MYO18B: variants seen among roughly 807,000 people sequenced by gnomAD.
The protein encoded by MYO18B is unconventional myosin-XVIIIb.
MYO18B carries 204 observed loss-of-function variants against 273.0 expected under a neutral mutation model. The observed-to-expected ratio is 0.75, with a 90% confidence interval of 0.67 to 0.84. MYO18B has a LOEUF of 0.84. MYO18B is among the 40% of genes least tolerant of loss of function. MYO18B has a pLI of 0.00. For synonymous variants in MYO18B, 1,330 were observed against 1,305.7 expected (o/e 1.02, Z -0.40); for missense variants, 3,212 against 3,287.6 (o/e 0.98, Z 0.56).
intron 26 of MYO18B, 148 bp from the exon 27 acceptor site, chr22:25,891,156 A>C (rs902237863): frequency 2.8e-6 from 2 of 713,308 alleles, no homozygotes; most frequent in African/African-American, 1.8e-5. Context: ...AATATGCCGA[A>C]GGTGGCTAGC....
intron 34 of MYO18B, among the ~76,000 whole-genome samples, chr22:25,925,769 G>T (rs2092411573): frequency 1.3e-5 from 2 of 151,202 alleles, no homozygotes; most frequent in Non-Finnish European, 1.5e-5. Context: ...GCCCGGTGTG[G>T]TGGTGCATGA....
Position 25,828,858 on chromosome 22 carries a change from A to G in MYO18B, c.2869A>G (p.Lys957Glu), listed in dbSNP as rs200316291. 2,767 of 1,613,958 alleles carry G rather than the reference A, an allele frequency of 1.7e-3. 6 individuals are homozygous for G. Among genetic ancestry groups the G allele is most frequent in the Middle Eastern group, 4.1e-3 (25 of 6,062 alleles). Reference protein sequence around the residue: ...PGFQNPRHQGKDRAATFEELC... With the variant: ...PGFQNPRHQGEDRAATFEELC... ...CTTCCAGAACCCCCGGCACCAGGGC[A>G]AGGACCGGGCGGCCACCTTTGAGGA... Residue 957 changes from lysine to glutamate, a missense_variant, in exon 15 of 44, where the codon AAG becomes GAG. By Grantham distance (56) the Lys-to-Glu change is moderately conservative. Coordinates refer to ENST00000335473, the MANE Select transcript of MYO18B (RefSeq NM_032608.7).
At chr22:25,908,203 T>G in intron 31 of MYO18B, 119 bp from the exon 32 acceptor site, 1 of 754,312 alleles carries the variant, frequency 1.3e-6, no homozygotes, top group Non-Finnish European at 2.3e-6. Flanking sequence ...GGGCAATAAC[T>G]TGACTCTCAT....
At chr22:25,898,559 CA>C (rs1457568547) in intron 29 of MYO18B, 98 bp downstream of exon 29, 2 of 1,315,754 alleles carry the variant, frequency 1.5e-6, no homozygotes, top group Non-Finnish European at 2.1e-6. Flanking sequence ...TCCCTCACTT[CA>C]ACTCCCTTGT....
chr22:25,932,380 CTTTTCTTTTCTTTTCTT>C (rs1168053985), intron 34 of MYO18B, among the ~76,000 whole-genome samples: 3 of 136,518 alleles, frequency 2.2e-5, no homozygotes, highest in Admixed American at 7.3e-5. Flanking sequence ...CCTTCTTTCT[CTTTTCTTTTCTTTTCTT>C]TTTTCTTTTC....
chr22:26,052,244 G>A, the MYO18B span, among the ~76,000 whole-genome samples: 1 of 152,168 alleles, frequency 6.6e-6, no homozygotes, highest in African/African-American at 2.4e-5. Context: ...AAAGGCACAG[G>A]TTGGAGGATG....
chr22:26,016,973 G>A (rs977002000), intron 42 of MYO18B, among the ~76,000 whole-genome samples: 1 of 152,114 alleles, frequency 6.6e-6, no homozygotes. Flanking sequence ...CACCTGCAGA[G>A]TGTCAGTTCC....
At chr22:25,759,518 G>A (rs558795480) in intron 1 of MYO18B, among the ~76,000 whole-genome samples, 2 of 152,104 alleles carry the variant, frequency 1.3e-5, no homozygotes, top group Non-Finnish European at 2.9e-5. Flanking sequence ...GGGGCCTGTC[G>A]AGGGGTGGGG....
chr22:25,862,327 T>C (rs920520861), intron 21 of MYO18B, among the ~76,000 whole-genome samples: 1 of 152,214 alleles, frequency 6.6e-6, no homozygotes, highest in African/African-American at 2.4e-5. Flanking sequence ...TTCTTTTATT[T>C]AATCTTATGT....
At chr22:25,919,907 A>G (rs142847213) in intron 33 of MYO18B, among the ~76,000 whole-genome samples, 6 of 152,320 alleles carry the variant, frequency 3.9e-5, no homozygotes, top group Admixed American at 3.9e-4. Context: ...ACAGCTTACA[A>G]AGTGCTTTGG....
the MYO18B span, among the ~76,000 whole-genome samples, chr22:26,047,589 T>C: frequency 6.6e-6 from 1 of 152,178 alleles, no homozygotes; most frequent in Non-Finnish European, 1.5e-5. Context: ...CCACTAGCCA[T>C]ATTCAGCTAC....
chr22:25,942,703 A>C (rs1227233320), intron 34 of MYO18B, among the ~76,000 whole-genome samples: 3 of 152,176 alleles, frequency 2.0e-5, no homozygotes, highest in African/African-American at 4.8e-5. Flanking sequence ...GCTGTCATGA[A>C]GCAAGGCAGA....
At position 25,851,588 on chromosome 22, in the gene MYO18B, A is replaced by C. The variant is rs1463482297; in HGVS notation, c.3885+9A>C. On this transcript the variant is annotated intron_variant, in intron 21 of 43. Coordinates refer to ENST00000335473, the MANE Select transcript of MYO18B (RefSeq NM_032608.7). ...GAATAGATGAAAGGAAGGTAGGTGG[A>C]GCACATGCGAGAGGGGTGAAGGCCC... 1 of 1,533,000 alleles carries C rather than the reference A, an allele frequency of 6.5e-7. No homozygotes were observed. Among genetic ancestry groups the C allele is most frequent in the East Asian group, 2.4e-5 (1 of 40,996 alleles). The allele number at this position is 1,533,000 out of a possible 1,614,324, so 95.0% of individuals were successfully genotyped here.
intron 35 of MYO18B, among the ~76,000 whole-genome samples, chr22:25,947,255 C>T (rs1450930631): frequency 6.6e-6 from 1 of 151,976 alleles, no homozygotes; most frequent in Admixed American, 6.6e-5. Flanking sequence ...ATTCATCCAC[C>T]CAATACATAT....
At position 25,908,375 on chromosome 22, in the gene MYO18B, G is replaced by A. The variant is rs549056065; in HGVS notation, c.5202G>A (p.Lys1734=). The A allele has an allele frequency of 3.3e-5, 53 of 1,603,250 alleles. No homozygotes were observed. The highest frequency in any genetic ancestry group is 3.3e-4 in the Middle Eastern group (2 of 6,044). ...AGCGGATGAAGCAGATGCACCAGAAGGACCGTGAGGACCAGGAGGAGGAAC... is the reference window on the plus strand; with the variant it reads ...AGCGGATGAAGCAGATGCACCAGAAAGACCGTGAGGACCAGGAGGAGGAAC... ...EIERMKQMHQ[K]DREDQEEELE... is the part of the protein sequence containing the mutation. Residue 1734 remains lysine, a synonymous_variant, in exon 32 of 44, where the codon AAG becomes AAA. Coordinates refer to ENST00000335473, the MANE Select transcript of MYO18B (RefSeq NM_032608.7).
intron 32 of MYO18B, among the ~76,000 whole-genome samples, chr22:25,910,080 GT>G (rs1468537645): frequency 1.3e-5 from 2 of 152,192 alleles, no homozygotes; most frequent in African/African-American, 4.8e-5. Context: ...GAATGTCTGT[GT>G]TTGCTGGGTA....
intron 11 of MYO18B, among the ~76,000 whole-genome samples, chr22:25,790,201 T>C (rs954014247): frequency 6.6e-6 from 1 of 152,242 alleles, no homozygotes; most frequent in African/African-American, 2.4e-5. Context: ...TGACCAGACA[T>C]TCATGGAGGG....
intron 40 of MYO18B, among the ~76,000 whole-genome samples, chr22:25,998,509 A>C (rs1287366235): frequency 6.6e-6 from 1 of 152,200 alleles, no homozygotes; most frequent in East Asian, 1.9e-4. Flanking sequence ...GTTGAGTGTA[A>C]GTTGGACATT....
chr22:25,993,904 A>G (rs534384624), intron 40 of MYO18B, among the ~76,000 whole-genome samples: 2 of 151,094 alleles, frequency 1.3e-5, no homozygotes, highest in Admixed American at 1.3e-4. Flanking sequence ...ACGGGTGACA[A>G]TTTTTTTTTT....
Sources: gnomAD v4.1 joint callset for allele counts (sites outside exome capture counted in the v4.1 genomes callset) on GRCh38, gnomAD v4.1.1 for gene constraint, MANE v1.5 for transcripts, NCBI Gene and HGNC (gene_info 2026-07-23, HGNC 2026-07-21) for gene names.